The following THBS4 variants were observed in gnomAD, a reference collection of about 807,000 sequenced individuals.
THBS4 encodes thrombospondin 4.
A neutral mutation model predicts 115.7 loss-of-function variants in THBS4; 90 were observed. The ratio of observed to expected loss-of-function variants is 0.78; its 90% CI spans 0.66 to 0.93. The LOEUF (loss-of-function observed/expected upper bound fraction) is 0.93, where lower values mean the gene tolerates loss of function less well. THBS4 is among the 40% of genes least tolerant of loss of function. The pLI is 0.00. For synonymous variants in THBS4, 460 were observed against 479.3 expected (o/e 0.96, Z 0.53); for missense variants, 1,087 against 1,232.7 (o/e 0.88, Z 1.77).
At chr5:80,033,321 A>G, upstream of THBS4, 1 of 256,748 alleles carries the variant, frequency 3.9e-6, no homozygotes, top group Non-Finnish European at 8.5e-6. Context: ...TTCCTAGCAA[A>G]TACTCTAGGT....
At chr5:80,067,391 T>C (rs1833869952) in intron 9 of THBS4, 1 of 151,758 alleles carries the variant, frequency 6.6e-6, no homozygotes, top group African/African-American at 2.4e-5. Context: ...TGCAGTGTGA[T>C]AATATATATT....
chr5:80,000,985 AG>A (rs2151149731), intron 2 of THBS4, among the ~76,000 whole-genome samples: 1 of 152,248 alleles, frequency 6.6e-6, no homozygotes, highest in East Asian at 1.9e-4. Context: ...AAAACAGCTT[AG>A]TTTTAGATTT....
chr5:80,006,192 T>C (rs1832014536), intron 2 of THBS4, among the ~76,000 whole-genome samples: 1 of 152,228 alleles, frequency 6.6e-6, no homozygotes, highest in Admixed American at 6.5e-5. Flanking sequence ...TCCTCCAGGT[T>C]GGTCAGCTTC....
chr5:80,081,290 C>G (rs1433527647), intron 20 of THBS4, among the ~76,000 whole-genome samples: 1 of 152,132 alleles, frequency 6.6e-6, no homozygotes, highest in African/African-American at 2.4e-5. Flanking sequence ...ATGTTCTCAG[C>G]CCTATTAAGC....
intron 8 of THBS4, among the ~76,000 whole-genome samples, chr5:80,062,665 C>T (rs1273384383): frequency 1.3e-5 from 2 of 152,172 alleles, no homozygotes; most frequent in African/African-American, 2.4e-5. Flanking sequence ...GGTATATCTC[C>T]TAATGCTATC....
chr5:80,065,611 A>C, intron 9 of THBS4, 134 bp downstream of exon 9: 1 of 688,756 alleles, frequency 1.5e-6, no homozygotes, highest in Non-Finnish European at 2.2e-6. Context: ...ATAAAGGCAA[A>C]AGTTTGTGCT....
chr5:80,082,319 A>G, intron 20 of THBS4, 87 bp from the exon 21 acceptor site: 4 of 1,552,350 alleles, frequency 2.6e-6, no homozygotes, highest in South Asian at 1.2e-5. Context: ...GCAGGTACGT[A>G]TAAGAAGTGG....
intron 1 of THBS4, among the ~76,000 whole-genome samples, chr5:79,995,295 A>AAACTG (rs1561287020): frequency 5.9e-5 from 9 of 152,062 alleles, no homozygotes; most frequent in African/African-American, 2.2e-4. Context: ...CCCATAAACT[A>AAACTG]TATTAAATAA....
At chr5:80,062,869 C>A (rs938355674) in intron 8 of THBS4, among the ~76,000 whole-genome samples, 1 of 152,178 alleles carries the variant, frequency 6.6e-6, no homozygotes, top group Non-Finnish European at 1.5e-5. Flanking sequence ...TGAACTCATC[C>A]TTTTTTATGG....
intron 2 of THBS4, among the ~76,000 whole-genome samples, chr5:80,041,151 C>A (rs1367691268): frequency 6.6e-6 from 1 of 152,166 alleles, no homozygotes; most frequent in African/African-American, 2.4e-5. Flanking sequence ...AACCATACCA[C>A]CCGCAGATTT....
chr5:80,070,004 G>A (rs780250102), intron 10 of THBS4, among the ~76,000 whole-genome samples: 6 of 152,078 alleles, frequency 3.9e-5, no homozygotes, highest in East Asian at 1.9e-4. Context: ...CTCCCTCTGC[G>A]TTTCCAGTTC....
At position 80,055,947 on chromosome 5, in the gene THBS4, C is replaced by G; in HGVS notation, c.455C>G (p.Ser152Cys). 6.2e-7 allele frequency: 1 copy of G among 1,614,198 alleles called. No individual in the cohort carries two copies. Among genetic ancestry groups the G allele is most frequent in the Non-Finnish European group, 8.5e-7 (1 of 1,180,034 alleles). ...ELYLDCIQVD[S>C]VHNLPRAFAG... is the part of the protein sequence containing the mutation. Reference sequence around the variant, plus strand: ...TACCTGGACTGCATCCAGGTGGATTCCGTTCACAATCTCCCCAGGGCCTTT... The same window carrying G: ...TACCTGGACTGCATCCAGGTGGATTGCGTTCACAATCTCCCCAGGGCCTTT... The change falls in exon 3 of 22, where the codon TCC (serine) becomes TGC (cysteine). Residue 152 changes from serine (S) to cysteine (C), a missense_variant. This residue lies in a region of THBS4 where 979 missense variants were observed against 1,103.7 expected (regional missense o/e 0.89). Coordinates refer to ENST00000350881, the MANE Select transcript of THBS4 (RefSeq NM_003248.6).
intron 2 of THBS4, among the ~76,000 whole-genome samples, chr5:80,008,656 C>T (rs1011977909): frequency 1.3e-5 from 2 of 152,178 alleles, no homozygotes; most frequent in African/African-American, 4.8e-5. Flanking sequence ...GGTTTCTCAA[C>T]ATTGGCACTA....
At position 80,083,144 on chromosome 5, in the gene THBS4, C is replaced by G; in HGVS notation, c.*3C>G. The G allele has an allele frequency of 1.9e-6, 3 of 1,611,032 alleles. No homozygotes were observed. The South Asian group carries it at 3.3e-5, about 18-fold the overall frequency. On this transcript the variant is annotated 3_prime_UTR_variant, in exon 22 of 22. Coordinates refer to ENST00000350881, the MANE Select transcript of THBS4 (RefSeq NM_003248.6). Reference sequence around the variant, plus strand: ...ATTTCGACCGCTTCGATAATTAAACCAAGGAAGCAATCTGTAACTGCTTTT... The same window carrying G: ...ATTTCGACCGCTTCGATAATTAAACGAAGGAAGCAATCTGTAACTGCTTTT...
chr5:80,053,250 G>A (rs1454227674), intron 2 of THBS4: 2 of 151,514 alleles, frequency 1.3e-5, no homozygotes, highest in Non-Finnish European at 2.9e-5. Flanking sequence ...GTCTTTTTGT[G>A]TTTTTAATAT....
rs538094833 is a variant in THBS4, at chr5:80,016,299, G to T, written n.177+17872G>T. The stretch of plus-strand genomic sequence containing the variant: ...ATGTGCTCAGCTGGCAAAGGGCTAT[G>T]TCCCTTCATAGCCTAATTCTTGGGG... On this transcript the variant is annotated intron_variant and non_coding_transcript_variant, in intron 2 of 3. Transcript: ENST00000510218. Among the ~76,000 whole-genome samples, 16 of 152,316 alleles carry T rather than the reference G, an allele frequency of 1.1e-4. No homozygotes were observed. In the South Asian group the frequency reaches 3.3e-3, roughly 32 times the overall value.
chr5:80,009,191 C>T (rs1486028733), intron 2 of THBS4, among the ~76,000 whole-genome samples: 8 of 152,168 alleles, frequency 5.3e-5, no homozygotes, highest in Non-Finnish European at 1.2e-4. Context: ...ACAGAGTCTG[C>T]TGATTTCTGG....
chr5:79,993,504 G>C (rs935917881), intron 1 of THBS4, among the ~76,000 whole-genome samples: 3 of 152,200 alleles, frequency 2.0e-5, no homozygotes, highest in African/African-American at 7.2e-5. Flanking sequence ...CATAACTTCA[G>C]ATTCCTACCG....
In THBS4 at chr5:80,072,580, G is replaced by A. The variant is rs774216469; in HGVS notation, c.1839+184G>A. ...GTGGGATGAACACCACACAAGATCTGAAGCCCTAGGGACTATCTCCCAGGC... is the reference window on the plus strand; with the variant it reads ...GTGGGATGAACACCACACAAGATCTAAAGCCCTAGGGACTATCTCCCAGGC... On this transcript the variant is annotated intron_variant, in intron 14 of 21. Coordinates refer to ENST00000350881, the MANE Select transcript of THBS4 (RefSeq NM_003248.6). The A allele has an allele frequency of 3.2e-5, 20 of 618,148 alleles. 1 individual carries two copies. The highest frequency in any genetic ancestry group is 1.8e-5 in the African/African-American group (1 of 54,736). 38.3% of individuals were successfully genotyped at this position (618,148 alleles called of 1,614,324 possible). A position where few individuals can be genotyped will look rare whatever the true frequency, so the allele number is the denominator to read the frequency against.
Sources: gnomAD v4.1 joint callset for allele counts (sites outside exome capture counted in the v4.1 genomes callset) on GRCh38, gnomAD v4.1.1 for gene constraint, gnomAD v4.1.1 regional missense constraint, MANE v1.5 for transcripts, NCBI Gene and HGNC (gene_info 2026-07-23, HGNC 2026-07-21) for gene names.